The following CNKSR3 variants were observed in gnomAD, a reference collection of about 807,000 sequenced individuals.
The protein encoded by CNKSR3 is CNKSR family member 3, also known as connector enhancer of kinase suppressor of ras 3.
Under a neutral mutation model 67.7 loss-of-function variants are expected in CNKSR3, and 36 were observed. The ratio of observed to expected loss-of-function variants is 0.53; its 90% confidence interval spans 0.41 to 0.70. The LOEUF (loss-of-function observed/expected upper bound fraction) is 0.70, where lower values mean the gene tolerates loss of function less well. CNKSR3 is among the 30% of genes least tolerant of loss of function. The pLI is 0.00. For synonymous variants in CNKSR3, 281 were observed against 271.4 expected, an observed-to-expected ratio of 1.04 and a Z score of -0.35; for missense variants, 630 against 695.2, an observed-to-expected ratio of 0.91 and a Z score of 1.05.
intron 1 of CNKSR3, among the ~76,000 whole-genome samples, chr6:154,496,915 G>A (rs550197147): frequency 8.5e-5 from 13 of 152,276 alleles, no homozygotes; most frequent in African/African-American, 2.4e-4. Flanking sequence ...AGGCTCTAAT[G>A]CCTCTTGATT....
chr6:154,428,657 T>C (rs1016401395), intron 6 of CNKSR3, among the ~76,000 whole-genome samples: 11 of 151,680 alleles, frequency 7.3e-5, no homozygotes, highest in Middle Eastern at 3.4e-3. Flanking sequence ...TAGCCAGGAC[T>C]ACAGGTGTGT....
chr6:154,413,139 T>TACAC (rs60788837), intron 10 of CNKSR3, among the ~76,000 whole-genome samples: 25,189 of 144,934 alleles, frequency 0.17, 2,193 homozygotes, highest in East Asian at 0.19. Flanking sequence ...GAATTTATGG[T>TACAC]ACACACACAC....
Position 154,439,005 on chromosome 6 carries a change from A to G in CNKSR3, c.507+2287T>C, listed in dbSNP as rs977325085. Among the ~76,000 whole-genome samples, 2 of 152,224 alleles carry G rather than the reference A, an allele frequency of 1.3e-5. 1 individual carries two copies. Among genetic ancestry groups the G allele is most frequent in the Admixed American group, 1.3e-4 (2 of 15,290 alleles). ...GACCCCTCTCTACAATTACCAGGAA[A>G]AGTAGCACTTGAGATGATGCATAAG... On this transcript the variant is annotated intron_variant, in intron 4 of 12. Transcript: ENST00000607772.
intron 1 of CNKSR3, among the ~76,000 whole-genome samples, chr6:154,460,020 C>T (rs1319486265): frequency 1.3e-5 from 2 of 152,224 alleles, no homozygotes; most frequent in African/African-American, 2.4e-5. Flanking sequence ...CAACTTCTGA[C>T]GACTGTGAAA....
chr6:154,410,445 G>A lies in CNKSR3; in HGVS notation c.1280-13C>T, dbSNP rs201171745. On this transcript the variant is annotated splice_polypyrimidine_tract_variant and intron_variant, in intron 11 of 12. Coordinates refer to ENST00000607772, the MANE Select transcript of CNKSR3 (RefSeq NM_173515.4). ...GGCCGTGGCTTGCCTTCAGAGGGAC[G>A]AGAAAGAAGGTGACAAGTTTGATGA... 84 of 1,591,494 alleles carry A rather than the reference G, an allele frequency of 5.3e-5. No individual in the cohort carries two copies. The highest frequency in any genetic ancestry group is 6.8e-5 in the Non-Finnish European group (79 of 1,159,786).
intron 1 of CNKSR3, among the ~76,000 whole-genome samples, chr6:154,473,875 C>T (rs775700871): frequency 3.3e-5 from 5 of 151,880 alleles, no homozygotes; most frequent in Non-Finnish European, 7.4e-5. Context: ...ACCTCCGACT[C>T]CCTGGTTCAA....
At chr6:154,450,651 G>A (rs1472650613) in intron 1 of CNKSR3, among the ~76,000 whole-genome samples, 3 of 152,144 alleles carry the variant, frequency 2.0e-5, no homozygotes, top group Non-Finnish European at 4.4e-5. Flanking sequence ...CAGTCAAGAC[G>A]CCTTGCCACA....
intron 1 of CNKSR3, among the ~76,000 whole-genome samples, chr6:154,462,832 A>G (rs535229019): frequency 6.6e-6 from 1 of 152,294 alleles, no homozygotes; most frequent in South Asian, 2.1e-4. Context: ...TGTGTTCATT[A>G]TGCTGCAGCG....
intron 1 of CNKSR3, among the ~76,000 whole-genome samples, chr6:154,462,774 G>T (rs1282471749): frequency 6.6e-6 from 1 of 152,148 alleles, no homozygotes; most frequent in Non-Finnish European, 1.5e-5. Context: ...CCAGCATTCT[G>T]TTATTCGCTG....
chr6:154,494,953 C>T (rs1056035667), intron 1 of CNKSR3, among the ~76,000 whole-genome samples: 1 of 152,230 alleles, frequency 6.6e-6, no homozygotes. Flanking sequence ...GATTTTAGAT[C>T]TCCATTGACA....
chr6:154,447,372 T>C (rs1204222991), intron 2 of CNKSR3, among the ~76,000 whole-genome samples: 1 of 152,136 alleles, frequency 6.6e-6, no homozygotes. Context: ...GCTATCCTAC[T>C]GAAAAGAGCA....
chr6:154,429,331 C>T (rs1562328257), intron 6 of CNKSR3, among the ~76,000 whole-genome samples: 1 of 152,214 alleles, frequency 6.6e-6, no homozygotes, highest in African/African-American at 2.4e-5. Flanking sequence ...CCAGCGCCTT[C>T]AGGTTCTCCT....
rs1009826013 is a variant in CNKSR3, at chr6:154,402,901, G to A, written c.*3453C>T. 1.3e-5 allele frequency: 2 copies of A among 151,994 alleles called. No homozygotes were observed. The highest frequency in any genetic ancestry group is 2.9e-5 in the Non-Finnish European group (2 of 68,012). 9.4% of individuals were successfully genotyped at this position (151,994 alleles called of 1,614,324 possible). Reference sequence around the variant, plus strand: ...CTGCTTAGTAGTTTAATTACATCTTGTAATATAACCATGCTAGAATATGTA... The same window carrying A: ...CTGCTTAGTAGTTTAATTACATCTTATAATATAACCATGCTAGAATATGTA... On this transcript the variant is annotated 3_prime_UTR_variant, in exon 13 of 13. Transcript: ENST00000607772.
rs776290819 is a variant in CNKSR3, at chr6:154,406,537, C to G, written c.1485G>C (p.Arg495=). The G allele has an allele frequency of 1.9e-6, 3 of 1,614,198 alleles. No individual in the cohort carries two copies. The highest frequency in any genetic ancestry group is 1.1e-5 in the South Asian group (1 of 91,086). The change falls in exon 13 of 13, where the codon CGG becomes CGC. Residue 495 remains arginine (R), a synonymous_variant. Coordinates refer to ENST00000607772, the MANE Select transcript of CNKSR3 (RefSeq NM_173515.4). ...SRPTTERHLV[R]GADYIRGSRC... ...TGCTTCCTCGGATGTAGTCCGCACC[C>G]CGGACCAGATGCCGCTCGGTCGTGG...
chr6:154,473,619 G>A (rs1192845272), intron 1 of CNKSR3, among the ~76,000 whole-genome samples: 5 of 152,138 alleles, frequency 3.3e-5, no homozygotes, highest in African/African-American at 7.2e-5. Context: ...ACAGGGTAAC[G>A]AGTAGAGGTG....
chr6:154,407,106 G>A (rs1784812244), intron 12 of CNKSR3, among the ~76,000 whole-genome samples: 1 of 152,156 alleles, frequency 6.6e-6, no homozygotes, highest in African/African-American at 2.4e-5. Flanking sequence ...CTGTGGCTGG[G>A]CCCACCAATG....
At chr6:154,437,465 G>C (rs1202598651) in intron 4 of CNKSR3, among the ~76,000 whole-genome samples, 1 of 147,468 alleles carries the variant, frequency 6.8e-6, no homozygotes, top group East Asian at 2.0e-4. Context: ...CCACGCTGGA[G>C]TGAAGTGGCG....
Position 154,405,010 on chromosome 6 carries a change from G to A in CNKSR3, c.*1344C>T, listed in dbSNP as rs1784759333. On this transcript the variant is annotated 3_prime_UTR_variant, in exon 13 of 13. Coordinates refer to ENST00000607772, the MANE Select transcript of CNKSR3 (RefSeq NM_173515.4). Reference sequence around the variant, plus strand: ...CAGTTCAGCAAACTCAACAATTCCGGTGGTATGAGAAAGGGCATTTTGGAG... The same window carrying A: ...CAGTTCAGCAAACTCAACAATTCCGATGGTATGAGAAAGGGCATTTTGGAG... 1 of 152,188 alleles carries A rather than the reference G, an allele frequency of 6.6e-6. No homozygotes were observed. The highest frequency in any genetic ancestry group is 1.5e-5 in the Non-Finnish European group (1 of 68,042). The allele number at this position is 152,188 out of a possible 1,614,324, so 9.4% of individuals were successfully genotyped here. A position where few individuals can be genotyped will look rare whatever the true frequency, so the allele number is the denominator to read the frequency against.
At chr6:154,443,606 A>G (rs1436754728) in intron 2 of CNKSR3, among the ~76,000 whole-genome samples, 2 of 152,134 alleles carry the variant, frequency 1.3e-5, no homozygotes, top group Non-Finnish European at 2.9e-5. Context: ...CACAGTGGAC[A>G]ATCATAGAGT....
Sources: allele counts gnomAD v4.1 joint callset (sites outside exome capture counted in the v4.1 genomes callset), GRCh38; gene constraint gnomAD v4.1.1; transcripts MANE v1.5; gene names NCBI Gene and HGNC (gene_info 2026-07-23, HGNC 2026-07-21).